CSMD2: variants seen among roughly 807,000 people sequenced by gnomAD.
CSMD2 encodes CUB and sushi domain-containing protein 2.
A neutral mutation model predicts 398.5 loss-of-function variants in CSMD2; 130 were observed. The observed-to-expected ratio is 0.33, with a 90% CI of 0.28 to 0.38. The LOEUF is 0.38. Among genes scored for constraint, CSMD2 ranks in the 10% least tolerant of loss-of-function variants. CSMD2 has a pLI of 1.00. For missense variants in CSMD2, 3,829 were observed against 4,764.9 expected (o/e 0.80, Z 5.78); for synonymous variants, 1,828 against 1,908.5 (o/e 0.96, Z 1.10).
intron 2 of CSMD2, among the ~76,000 whole-genome samples, chr1:34,045,291 G>GT (rs1012539366): frequency 6.6e-6 from 1 of 152,130 alleles, no homozygotes; most frequent in Non-Finnish European, 1.5e-5. Context: ...AGCTGAGGCT[G>GT]TAGCTACATT....
intron 1 of CSMD2, among the ~76,000 whole-genome samples, chr1:34,131,198 C>T (rs1360032798): frequency 2.0e-5 from 3 of 152,104 alleles, no homozygotes; most frequent in Non-Finnish European, 4.4e-5. Context: ...TCCCATGAGG[C>T]AGGGGCTATT....
intron 3 of CSMD2, among the ~76,000 whole-genome samples, chr1:34,023,225 T>C (rs1649161656): frequency 6.6e-6 from 1 of 152,172 alleles, no homozygotes; most frequent in South Asian, 2.1e-4. Context: ...AATGAATCTC[T>C]GAATCTTTTG....
At chr1:33,663,966 A>T (rs950218753) in intron 25 of CSMD2, among the ~76,000 whole-genome samples, 1 of 152,226 alleles carries the variant, frequency 6.6e-6, no homozygotes, top group Non-Finnish European at 1.5e-5. Context: ...TAAGAAAGCA[A>T]TGTTGGCATA....
chr1:34,019,927 C>T (rs1376821221), intron 3 of CSMD2, among the ~76,000 whole-genome samples: 1 of 152,160 alleles, frequency 6.6e-6, no homozygotes. Flanking sequence ...CAAATATTTA[C>T]TGAGTACCTA....
chr1:33,884,026 T>C (rs897558022), intron 5 of CSMD2, among the ~76,000 whole-genome samples: 1 of 152,056 alleles, frequency 6.6e-6, no homozygotes, highest in African/African-American at 2.4e-5. Flanking sequence ...CCCATGACCA[T>C]AGCAGACACA....
chr1:33,556,046 A>G (rs545559016), intron 55 of CSMD2, among the ~76,000 whole-genome samples: 1 of 152,256 alleles, frequency 6.6e-6, no homozygotes, highest in African/African-American at 2.4e-5. Flanking sequence ...GCATCAAGAG[A>G]ACCAGAATTA....
intron 1 of CSMD2, among the ~76,000 whole-genome samples, chr1:34,137,437 G>A (rs1016670876): frequency 1.6e-4 from 24 of 152,060 alleles, no homozygotes; most frequent in South Asian, 2.1e-4. Context: ...AGATTCCCCC[G>A]CTGGTCTCTG....
At chr1:33,760,249 T>G (rs1425006222) in intron 13 of CSMD2, among the ~76,000 whole-genome samples, 1 of 152,206 alleles carries the variant, frequency 6.6e-6, no homozygotes, top group Non-Finnish European at 1.5e-5. Context: ...GCCCTCTTCA[T>G]TGAGATGTTT....
chr1:33,584,427 T>C (rs1638935764), intron 46 of CSMD2, among the ~76,000 whole-genome samples: 1 of 152,150 alleles, frequency 6.6e-6, no homozygotes, highest in Non-Finnish European at 1.5e-5. Flanking sequence ...ATCCCAGCGC[T>C]GTGGGAGGCC....
chr1:33,989,104 ATG>A (rs767352187), intron 3 of CSMD2, among the ~76,000 whole-genome samples: 2 of 141,626 alleles, frequency 1.4e-5, no homozygotes, highest in Non-Finnish European at 3.1e-5. Flanking sequence ...ATTAATATAT[ATG>A]AATTATATAG....
At chr1:33,865,205 G>A (rs1410231892) in intron 5 of CSMD2, among the ~76,000 whole-genome samples, 1 of 151,570 alleles carries the variant, frequency 6.6e-6, no homozygotes, top group African/African-American at 2.4e-5. Flanking sequence ...TGGCAGGACT[G>A]GGAAGACTGC....
chr1:34,074,338 C>T (rs1037313565), intron 2 of CSMD2, among the ~76,000 whole-genome samples: 2 of 152,230 alleles, frequency 1.3e-5, no homozygotes, highest in Non-Finnish European at 2.9e-5. Flanking sequence ...AACCATCTTT[C>T]TTAGAAATGT....
chr1:34,103,314 T>TC (rs199909972), intron 1 of CSMD2, among the ~76,000 whole-genome samples: 10,512 of 114,552 alleles, frequency 0.092, 1,554 homozygotes, highest in Non-Finnish European at 0.11. Context: ...TTTTTTTCTT[T>TC]CTGAGCCAGA....
chr1:33,921,351 G>A (rs12757877), intron 4 of CSMD2, among the ~76,000 whole-genome samples: 21 of 151,842 alleles, frequency 1.4e-4, no homozygotes, highest in African/African-American at 4.6e-4. Context: ...AGAGTTTGTC[G>A]CCTTCTGATG....
intron 1 of CSMD2, among the ~76,000 whole-genome samples, chr1:34,090,194 T>A: frequency 6.6e-6 from 1 of 152,122 alleles, no homozygotes; most frequent in South Asian, 2.1e-4. Flanking sequence ...GGGGAATCTG[T>A]CTCAAATGGA....
rs532747499 is a variant in CSMD2, at chr1:34,030,226, T to C, written c.517+2368A>G. On this transcript the variant is annotated intron_variant, in intron 3 of 70. Coordinates refer to ENST00000373381, the MANE Select transcript of CSMD2 (RefSeq NM_001281956.2). Reference sequence around the variant, plus strand: ...CAATTTTAGTTAATTTAAATGTAAATAGCCATATGTGGCTGATGGCTACTG... The same window carrying C: ...CAATTTTAGTTAATTTAAATGTAAACAGCCATATGTGGCTGATGGCTACTG... Among the ~76,000 whole-genome samples the C allele has an allele frequency of 2.6e-5, 4 of 152,316 alleles. No individual in the cohort carries two copies. In the East Asian group the frequency reaches 5.8e-4, roughly 22 times the overall value.
chr1:33,922,608 T>C (rs896854118), intron 4 of CSMD2, among the ~76,000 whole-genome samples: 3 of 151,774 alleles, frequency 2.0e-5, no homozygotes, highest in African/African-American at 7.3e-5. Flanking sequence ...CCAAAATCAC[T>C]CTCATCCTTT....
intron 41 of CSMD2, among the ~76,000 whole-genome samples, chr1:33,609,800 CATAGGGTAGTG>C (rs1380719504): frequency 6.6e-5 from 10 of 152,028 alleles, no homozygotes; most frequent in African/African-American, 2.4e-4. Context: ...TGTATCTCTG[CATAGGGTAGTG>C]ACAGGATGGG....
chr1:33,736,240 G>A (rs1221385502), intron 15 of CSMD2, among the ~76,000 whole-genome samples: 2 of 152,128 alleles, frequency 1.3e-5, no homozygotes, highest in African/African-American at 2.4e-5. Context: ...AGTGAGCCGC[G>A]GGAGGCTGAG....
Sources: gnomAD v4.1 joint callset for allele counts (sites outside exome capture counted in the v4.1 genomes callset) on GRCh38, gnomAD v4.1.1 for gene constraint, MANE v1.5 for transcripts, NCBI Gene and HGNC (gene_info 2026-07-23, HGNC 2026-07-21) for gene names.